Variants in TAMM41 observed in about 807,000 individuals in gnomAD.
TAMM41 encodes phosphatidate cytidylyltransferase, mitochondrial.
Under a neutral mutation model 44.1 loss-of-function variants are expected in TAMM41, and 36 were observed. The observed-to-expected ratio is 0.82, with a 90% confidence interval of 0.63 to 1.08. The LOEUF (loss-of-function observed/expected upper bound fraction) is 1.08. Ranked by LOEUF, TAMM41 falls within the 50% of genes least tolerant of loss-of-function variation. The probability of loss-of-function intolerance (pLI) is 0.00; values close to 1 mark genes in which losing one functional copy is unlikely to be tolerated. For missense variants in TAMM41, 417 were observed against 404.3 expected (o/e 1.03, Z -0.27); for synonymous variants, 164 against 153.1 (o/e 1.07, Z -0.53).
At chr3:11,816,218 A>G (rs2078270764) in intron 5 of TAMM41, among the ~76,000 whole-genome samples, 1 of 123,644 alleles carries the variant, frequency 8.1e-6, no homozygotes, top group Non-Finnish European at 1.6e-5. Flanking sequence ...ACATTAAAGG[A>G]AAAAAAAAAA....
At chr3:11,775,316 C>A in the TAMM41 span, among the ~76,000 whole-genome samples, 1 of 152,152 alleles carries the variant, frequency 6.6e-6, no homozygotes, top group Non-Finnish European at 1.5e-5. Flanking sequence ...CCCACGTTTG[C>A]CAGGCTTTGG....
chr3:11,792,827 C>G (rs781426840), intron 7 of TAMM41, among the ~76,000 whole-genome samples: 2 of 151,950 alleles, frequency 1.3e-5, no homozygotes, highest in Non-Finnish European at 2.9e-5. Context: ...TTAGGGAGGC[C>G]GAGGCGGGCA....
chr3:11,729,008 CAA>C, the TAMM41 span, among the ~76,000 whole-genome samples: 15 of 116,050 alleles, frequency 1.3e-4, no homozygotes, highest in East Asian at 7.4e-4. Context: ...GACTCTGTCT[CAA>C]AAAAAAAAAA....
chr3:11,743,560 T>C, the TAMM41 span, among the ~76,000 whole-genome samples: 1 of 152,096 alleles, frequency 6.6e-6, no homozygotes, highest in African/African-American at 2.4e-5. Flanking sequence ...CTCGAACTCC[T>C]GACATCAAGT....
At chr3:11,734,878 C>CAAAAAAAAAAAAAA in the TAMM41 span, among the ~76,000 whole-genome samples, 7 of 73,256 alleles carry the variant, frequency 9.6e-5, no homozygotes, top group African/African-American at 3.7e-4. Flanking sequence ...TACTAAAATA[C>CAAAAAAAAAAAAAA]AAAAAAAAAA....
intron 7 of TAMM41, among the ~76,000 whole-genome samples, chr3:11,792,227 C>T (rs985155628): frequency 2.0e-5 from 3 of 151,690 alleles, no homozygotes; most frequent in Non-Finnish European, 4.4e-5. Flanking sequence ...CTAAAACATT[C>T]TCCCTTTCAT....
rs1424414258 is a variant in TAMM41 at position 11,846,662 on chromosome 3, CA to C, written c.-27del. On this transcript the variant is annotated 5_prime_UTR_variant, in exon 1 of 8. Coordinates refer to ENST00000455809, the MANE Select transcript of TAMM41 (RefSeq NM_001284401.2). Reference sequence around the variant, plus strand: ...GGGGTCGAGGCTAACAGGGGACACTCAGCGCAGCAGGGCGAGGACAACCGGG... The same window carrying C: ...GGGGTCGAGGCTAACAGGGGACACTCGCGCAGCAGGGCGAGGACAACCGGG... The C allele has an allele frequency of 6.2e-7, 1 of 1,613,942 alleles. No individual in the cohort carries two copies. The highest frequency in any genetic ancestry group is 1.7e-5 in the Admixed American group (1 of 60,030).
At chr3:11,794,176 G>A (rs1294780451) in intron 7 of TAMM41, among the ~76,000 whole-genome samples, 1 of 147,124 alleles carries the variant, frequency 6.8e-6, no homozygotes, top group Non-Finnish European at 1.5e-5. Flanking sequence ...TTACTCTGTC[G>A]CCCAGGTTGG....
chr3:11,746,983 T>C, the TAMM41 span, among the ~76,000 whole-genome samples: 1 of 152,088 alleles, frequency 6.6e-6, no homozygotes, highest in African/African-American at 2.4e-5. Flanking sequence ...AAAAGACAAA[T>C]CTAATCTGTG....
the TAMM41 span, among the ~76,000 whole-genome samples, chr3:11,768,723 T>C: frequency 1.3e-5 from 2 of 152,226 alleles, no homozygotes; most frequent in Admixed American, 1.3e-4. Context: ...GCTCCATTCC[T>C]GGCAGGGCAG....
the TAMM41 span, among the ~76,000 whole-genome samples, chr3:11,768,626 T>A: frequency 6.6e-6 from 1 of 152,222 alleles, no homozygotes; most frequent in Admixed American, 6.6e-5. Context: ...AACCAGTTAG[T>A]TGATTATCAG....
At chr3:11,808,748 A>G (rs2077995353) in intron 6 of TAMM41, 1 of 431,054 alleles carries the variant, frequency 2.3e-6, no homozygotes, top group South Asian at 9.8e-5. Flanking sequence ...TTTTTAAGAG[A>G]TACGGGCTGC....
the TAMM41 span, among the ~76,000 whole-genome samples, chr3:11,760,579 G>A: frequency 3.0e-4 from 38 of 128,810 alleles, no homozygotes; most frequent in Admixed American, 2.2e-4. Flanking sequence ...TTTGTTTTTT[G>A]AGATAGGGTC....
At chr3:11,746,911 T>G in the TAMM41 span, among the ~76,000 whole-genome samples, 1 of 152,112 alleles carries the variant, frequency 6.6e-6, no homozygotes, top group Non-Finnish European at 1.5e-5. Flanking sequence ...ACTGGGATTA[T>G]AGGCATGAGC....
At chr3:11,778,033 T>C in the TAMM41 span, among the ~76,000 whole-genome samples, 4 of 152,270 alleles carry the variant, frequency 2.6e-5, no homozygotes, top group East Asian at 3.9e-4. Context: ...GTATGTGGTC[T>C]TTTGTGTGAG....
At chr3:11,765,188 T>TA in the TAMM41 span, among the ~76,000 whole-genome samples, 2 of 152,166 alleles carry the variant, frequency 1.3e-5, no homozygotes, top group Admixed American at 6.6e-5. Flanking sequence ...TCTGGTTAAG[T>TA]ACAAACCCAT....
chr3:11,844,873 A>T (rs2079605964), intron 1 of TAMM41: 2 of 455,990 alleles, frequency 4.4e-6, no homozygotes, highest in Non-Finnish European at 8.8e-6. Context: ...TTGATAGAGG[A>T]ATGCAAAATG....
At chr3:11,808,697 T>C (rs2077992639) in intron 6 of TAMM41, 1 of 864,548 alleles carries the variant, frequency 1.2e-6, no homozygotes, top group Admixed American at 6.2e-5. Flanking sequence ...AAAGGGAAGT[T>C]AGTCTCTGAA....
At chr3:11,784,548 T>G in the TAMM41 span, among the ~76,000 whole-genome samples, 44 of 152,264 alleles carry the variant, frequency 2.9e-4, no homozygotes, top group East Asian at 8.1e-3. Context: ...ATTTCCTTCC[T>G]TGCGTGGTAA....
Sources: gnomAD v4.1 joint callset for allele counts (sites outside exome capture counted in the v4.1 genomes callset) on GRCh38, gnomAD v4.1.1 for gene constraint, MANE v1.5 for transcripts, NCBI Gene and HGNC (gene_info 2026-07-23, HGNC 2026-07-21) for gene names.